The following COL4A3 variants were observed in gnomAD, a reference collection of about 807,000 sequenced individuals.
COL4A3 encodes collagen alpha-3(IV) chain.
In COL4A3, 135 loss-of-function variants were observed where a neutral mutation model predicts 217.4. That is an observed-to-expected ratio of 0.62 (90% CI 0.54 to 0.72). COL4A3 has a LOEUF of 0.72. Ranked by LOEUF, COL4A3 falls within the 30% of genes least tolerant of loss-of-function variation. The pLI, the probability that COL4A3 is intolerant of heterozygous loss-of-function variation, is 0.00. For missense variants in COL4A3, 1,868 were observed against 2,119.9 expected (o/e 0.88, Z 2.33); for synonymous variants, 690 against 736.3 (o/e 0.94, Z 1.02).
At chr2:227,197,075 G>A (rs998474262) in intron 1 of COL4A3, among the ~76,000 whole-genome samples, 1 of 145,348 alleles carries the variant, frequency 6.9e-6, no homozygotes, top group Non-Finnish European at 1.5e-5. Context: ...TTTGCCTGCT[G>A]CCATGTAAGA....
chr2:227,208,464 C>T (rs1409280635), intron 1 of COL4A3, among the ~76,000 whole-genome samples: 4 of 151,996 alleles, frequency 2.6e-5, no homozygotes, highest in Non-Finnish European at 5.9e-5. Flanking sequence ...CTGGTCCAAC[C>T]CAGTTGTACC....
rs1352774916 is a variant in COL4A3 at position 227,203,446 on chromosome 2, TATAC to T, written c.88-34514_88-34511del. ...ACATACATATATGTGTGTATATGTGTATACATACATATATGTGTGTATATATGTG... is the reference window on the plus strand; with the variant it reads ...ACATACATATATGTGTGTATATGTGTATACATATATGTGTGTATATATGTG... On this transcript the variant is annotated intron_variant, in intron 1 of 51. Transcript: ENST00000396578. Among the ~76,000 whole-genome samples the T allele has an allele frequency of 2.0e-4, 9 of 44,390 alleles. 4 individuals carry two copies. The highest frequency in any genetic ancestry group is 1.4e-3 in the East Asian group (2 of 1,384). The allele number at this position is 44,390 out of a possible 152,430, so 29.1% of individuals were successfully genotyped here. A position where few individuals can be genotyped will look rare whatever the true frequency, so the allele number is the denominator to read the frequency against.
chr2:227,223,228 C>G (rs112367106), intron 1 of COL4A3, among the ~76,000 whole-genome samples: 1 of 151,832 alleles, frequency 6.6e-6, no homozygotes, highest in Admixed American at 6.6e-5. Context: ...GATGGGATCT[C>G]GAGGGGAAAA....
At chr2:227,219,755 CCA>C (rs1283219595) in intron 1 of COL4A3, among the ~76,000 whole-genome samples, 1 of 152,098 alleles carries the variant, frequency 6.6e-6, no homozygotes, top group Non-Finnish European at 1.5e-5. Context: ...CTTGTTTTTA[CCA>C]CAGTTATATA....
rs373353964 is a variant in COL4A3 at position 227,268,257 on chromosome 2, A to G, written c.1504+1169A>G. 6 of 152,460 alleles carry G rather than the reference A, an allele frequency of 3.9e-5. No individual in the cohort carries two copies. In the East Asian group the frequency reaches 9.7e-4, roughly 25 times the overall value. 9.4% of individuals were successfully genotyped at this position (152,460 alleles called of 1,614,324 possible). ...ATCAGCCCGAGAGGCTGGTGCTATA[A>G]TTAACCGCATTGGACAGATGAGGAA... On this transcript the variant is annotated intron_variant, in intron 23 of 51. Coordinates refer to ENST00000396578, the MANE Select transcript of COL4A3 (RefSeq NM_000091.5).
In COL4A3 at chr2:227,302,677, CAAAAAAAAAA is replaced by C. The variant is rs56065709; in HGVS notation, c.3883-341_3883-332del. ...GGAGGACAAAACGAGACTCTTTCTC[CAAAAAAAAAA>C]AAAAAAAAAAAAAAAAAAATCATTC... On this transcript the variant is annotated intron_variant, in intron 43 of 51. Coordinates refer to ENST00000396578, the MANE Select transcript of COL4A3 (RefSeq NM_000091.5). Among the ~76,000 whole-genome samples the C allele has an allele frequency of 3.1e-4, 25 of 79,912 alleles. 1 individual carries two copies. In the East Asian group the frequency reaches 4.6e-3, roughly 15 times the overall value. The allele number at this position is 79,912 out of a possible 152,430, so 52.4% of individuals were successfully genotyped here.
In COL4A3 at chr2:227,297,560, A is replaced by G; in HGVS notation, c.3566-114A>G. 3.3e-6 allele frequency: 3 copies of G among 900,902 alleles called. No homozygotes were observed. The South Asian group carries it at 4.7e-5, about 14-fold the overall frequency. 55.8% of individuals were successfully genotyped at this position (900,902 alleles called of 1,614,324 possible). A position where few individuals can be genotyped will look rare whatever the true frequency, so the allele number is the denominator to read the frequency against. On this transcript the variant is annotated intron_variant, in intron 41 of 51. Coordinates refer to ENST00000396578, the MANE Select transcript of COL4A3 (RefSeq NM_000091.5). ...TATAAAATATATATTTTAGAAACAT[A>G]TATTCTGAATCTGAACACTTTTAAG...
chr2:227,174,464 G>C (rs1323121432), intron 1 of COL4A3, among the ~76,000 whole-genome samples: 1 of 152,036 alleles, frequency 6.6e-6, no homozygotes, highest in Non-Finnish European at 1.5e-5. Flanking sequence ...ATAGTGCCTG[G>C]TACAGAATGC....
intron 15 of COL4A3, among the ~76,000 whole-genome samples, 173 bp downstream of exon 15, chr2:227,254,888 A>C (rs1242925661): frequency 6.6e-6 from 1 of 152,186 alleles, no homozygotes; most frequent in Non-Finnish European, 1.5e-5. Context: ...TCAAGGCTAA[A>C]ACAGGGTTCA....
chr2:227,167,254 G>C (rs945389289), intron 1 of COL4A3, among the ~76,000 whole-genome samples: 2 of 152,236 alleles, frequency 1.3e-5, no homozygotes, highest in Non-Finnish European at 2.9e-5. Context: ...TCTCAAAACA[G>C]GGAAATAGCA....
intron 1 of COL4A3, among the ~76,000 whole-genome samples, chr2:227,236,880 C>CA (rs921269491): frequency 6.6e-6 from 1 of 152,144 alleles, no homozygotes; most frequent in African/African-American, 2.4e-5. Flanking sequence ...AGGTTGGTCT[C>CA]AAACTCCTGA....
chr2:227,281,779 T>C (rs1426093333), intron 31 of COL4A3: 1 of 152,412 alleles, frequency 6.6e-6, no homozygotes, highest in Non-Finnish European at 1.5e-5. Context: ...TCCCAGAATG[T>C]GTCTGCAGGA....
rs1363638785 is a variant in COL4A3, at chr2:227,164,986, G to A, written c.87+173G>A. On this transcript the variant is annotated intron_variant, in intron 1 of 51. Transcript: ENST00000396578. The surrounding 1 kb of genome is among the most constrained non-coding windows in gnomAD (Gnocchi z 4.8). ...ACAGGCAGCGAGCGGAAGGGAGCAA[G>A]CGGGGATGCCCCGGAACAGGTGGAA... Among the ~76,000 whole-genome samples, 1 of 152,226 alleles carries A rather than the reference G, an allele frequency of 6.6e-6. No homozygotes were observed. The highest frequency in any genetic ancestry group is 2.4e-5 in the African/African-American group (1 of 41,472).
intron 41 of COL4A3, 104 bp downstream of exon 41, chr2:227,295,420 T>G: frequency 1.0e-6 from 1 of 982,750 alleles, no homozygotes; most frequent in Non-Finnish European, 1.6e-6. Flanking sequence ...GAATTAAAGA[T>G]GTTCCAATAG....
chr2:227,233,735 G>A (rs1020649646), intron 1 of COL4A3, among the ~76,000 whole-genome samples: 3 of 152,132 alleles, frequency 2.0e-5, no homozygotes, highest in African/African-American at 4.8e-5. Context: ...ACCTCATGGC[G>A]GCAGGTGGTG....
rs759024683 is a variant in COL4A3, at chr2:227,272,936, C to A, written c.1759-13C>A. ...GAATGAAGCACGATTCAAACACATT[C>A]CTGTTGTCACAGGCTCTGAGTGGTG... On this transcript the variant is annotated splice_polypyrimidine_tract_variant and intron_variant, in intron 25 of 51. Transcript: ENST00000396578. 6.2e-7 allele frequency: 1 copy of A among 1,613,824 alleles called. No individual in the cohort carries two copies. The highest frequency in any genetic ancestry group is 2.2e-5 in the East Asian group (1 of 44,872).
chr2:227,307,399 T>TA (rs1425634610), intron 47 of COL4A3, among the ~76,000 whole-genome samples: 1 of 152,194 alleles, frequency 6.6e-6, no homozygotes, highest in Admixed American at 6.5e-5. Flanking sequence ...CATTTATTCA[T>TA]AAAAAACATA....
Position 227,297,791 on chromosome 2 carries a change from G to T in COL4A3, c.3683G>T (p.Gly1228Val), listed in dbSNP as rs1183958961. 6.3e-7 allele frequency: 1 copy of T among 1,577,534 alleles called. No homozygotes were observed. The highest frequency in any genetic ancestry group is 2.3e-5 in the East Asian group (1 of 43,572). ...ATAGAAGGATTCCCAGGGCCACCAGGTCTGCCCGGTGCAATTATCCCTGGC... is the reference window on the plus strand; with the variant it reads ...ATAGAAGGATTCCCAGGGCCACCAGTTCTGCCCGGTGCAATTATCCCTGGC... ...TGIEGFPGPP[G>V]LPGAIIPGQT... The change falls in exon 42 of 52, where the codon GGT becomes GTT. Residue 1228 changes from glycine (G) to valine (V), a missense_variant. Physicochemically the swap from Gly to Val is moderately radical, Grantham distance 109. Transcript: ENST00000396578.
chr2:227,248,650 G>A, intron 9 of COL4A3, 130 bp downstream of exon 9: 1 of 655,944 alleles, frequency 1.5e-6, no homozygotes, highest in Non-Finnish European at 2.7e-6. Context: ...ATTTTAAATA[G>A]AAATTCCTAT....
Sources: gnomAD v4.1 joint callset for allele counts (sites outside exome capture counted in the v4.1 genomes callset) on GRCh38, gnomAD v4.1.1 for gene constraint, Gnocchi (gnomAD v3.1) non-coding constraint, MANE v1.5 for transcripts, NCBI Gene and HGNC (gene_info 2026-07-23, HGNC 2026-07-21) for gene names.